LRRC37A2: variants seen among roughly 807,000 people sequenced by gnomAD.
LRRC37A2 encodes leucine-rich repeat-containing protein 37A2.
A neutral mutation model predicts 68.8 loss-of-function variants in LRRC37A2; 9 were observed. The ratio of observed to expected loss-of-function variants is 0.13; its 90% CI spans 0.08 to 0.23. The LOEUF is 0.23. Ranked by LOEUF, LRRC37A2 falls within the 10% of genes least tolerant of loss-of-function variation. LRRC37A2 has a pLI of 1.00. For missense variants in LRRC37A2, 168 were observed against 950.4 expected, an observed-to-expected ratio of 0.18 and a Z score of 10.82; for synonymous variants, 63 against 367.6, an observed-to-expected ratio of 0.17 and a Z score of 9.48.
the LRRC37A2 span, chr17:47,021,575 T>C: frequency 2.0e-6 from 1 of 499,384 alleles, no homozygotes; most frequent in African/African-American, 3.4e-5. Flanking sequence ...TTAGATAAAA[T>C]ACTTACATTC....
the LRRC37A2 span, among the ~76,000 whole-genome samples, chr17:46,662,530 CTTATG>C: frequency 2.5e-5 from 2 of 80,826 alleles, no homozygotes; most frequent in African/African-American, 9.4e-5. Context: ...TTTAGTCTTC[CTTATG>C]TTAAGGTAAG....
At chr17:46,726,420 T>C in the LRRC37A2 span, 1 of 833,470 alleles carries the variant, frequency 1.2e-6, no homozygotes, top group East Asian at 2.5e-5. Flanking sequence ...AATTCTAATT[T>C]ATTGTAGTCC....
chr17:46,992,853 CAAAAAAA>C, the LRRC37A2 span, among the ~76,000 whole-genome samples: 3 of 65,166 alleles, frequency 4.6e-5, no homozygotes, highest in Non-Finnish European at 7.7e-5. Context: ...AACTCCATCT[CAAAAAAA>C]AAAAAAAAAA....
the LRRC37A2 span, among the ~76,000 whole-genome samples, chr17:46,961,395 C>T: frequency 3.9e-5 from 6 of 152,148 alleles, no homozygotes; most frequent in African/African-American, 1.4e-4. Flanking sequence ...ATAACTGGAA[C>T]ATGGTGGTGT....
chr17:46,610,029 C>CTTTCTTTCTT, the LRRC37A2 span, among the ~76,000 whole-genome samples: 5 of 88,930 alleles, frequency 5.6e-5, no homozygotes, highest in African/African-American at 1.9e-4. Context: ...TTCTTTCTTT[C>CTTTCTTTCTT]TCTCTCTCTC....
the LRRC37A2 span, chr17:46,941,141 CT>C: frequency 9.8e-7 from 1 of 1,015,526 alleles, no homozygotes; most frequent in Non-Finnish European, 1.2e-6. Context: ...CTTGAGATCT[CT>C]TTATTACATG....
the LRRC37A2 span, among the ~76,000 whole-genome samples, chr17:46,880,899 C>T: frequency 2.0e-5 from 3 of 152,208 alleles, no homozygotes; most frequent in Non-Finnish European, 4.4e-5. Context: ...AGCCCTCATG[C>T]TATGGCAAGC....
chr17:46,392,477 T>TC, the LRRC37A2 span, among the ~76,000 whole-genome samples: 120 of 60,558 alleles, frequency 2.0e-3, 3 homozygotes, highest in African/African-American at 6.3e-3. Context: ...TTCTTTCCTT[T>TC]CTTTCTTTCC....
At chr17:47,008,326 T>C in the LRRC37A2 span, among the ~76,000 whole-genome samples, 1 of 152,070 alleles carries the variant, frequency 6.6e-6, no homozygotes, top group Non-Finnish European at 1.5e-5. Flanking sequence ...TTAGCCAGGA[T>C]GGTCTTGATC....
At chr17:46,946,921 G>A in the LRRC37A2 span, among the ~76,000 whole-genome samples, 1 of 152,222 alleles carries the variant, frequency 6.6e-6, no homozygotes, top group Non-Finnish European at 1.5e-5. Flanking sequence ...TGCCAAGCAA[G>A]TGGGGTAGAT....
chr17:47,027,685 A>T, the LRRC37A2 span: 2 of 816,938 alleles, frequency 2.4e-6, no homozygotes, highest in Non-Finnish European at 4.1e-6. Context: ...TTAATTATAA[A>T]CCTCTTTGCT....
intron 6 of LRRC37A2, among the ~76,000 whole-genome samples, chr17:46,537,138 A>T: frequency 1.6e-5 from 1 of 62,560 alleles, no homozygotes. Flanking sequence ...TGCTTTTATG[A>T]AGGGATGAAT....
At chr17:46,982,931 G>A in the LRRC37A2 span, among the ~76,000 whole-genome samples, 3 of 152,224 alleles carry the variant, frequency 2.0e-5, no homozygotes, top group Non-Finnish European at 4.4e-5. Flanking sequence ...CGTCCTGTTG[G>A]TGGTGCAGGA....
At chr17:46,997,047 A>G in the LRRC37A2 span, among the ~76,000 whole-genome samples, 1 of 152,196 alleles carries the variant, frequency 6.6e-6, no homozygotes, top group Non-Finnish European at 1.5e-5. Context: ...AGGATGATAG[A>G]ATTAGAATAT....
At chr17:46,896,458 A>AAAAGAAAGAAAGAG in the LRRC37A2 span, among the ~76,000 whole-genome samples, 1 of 141,294 alleles carries the variant, frequency 7.1e-6, no homozygotes, top group African/African-American at 2.8e-5. Flanking sequence ...AAGAAAAAGA[A>AAAAGAAAGAAAGAG]AGAAAGAAAG....
the LRRC37A2 span, among the ~76,000 whole-genome samples, chr17:46,498,799 T>G: frequency 6.7e-6 from 1 of 149,474 alleles, no homozygotes; most frequent in East Asian, 2.0e-4. Context: ...CGGTTGTTTC[T>G]CCTCTTAAGC....
the LRRC37A2 span, among the ~76,000 whole-genome samples, chr17:46,955,124 T>C: frequency 6.6e-6 from 1 of 151,650 alleles, no homozygotes; most frequent in Non-Finnish European, 1.5e-5. Context: ...CCAGTTTTTG[T>C]CCATTCAGTA....
the LRRC37A2 span, among the ~76,000 whole-genome samples, chr17:46,384,866 G>A: frequency 5.0e-5 from 1 of 20,060 alleles, no homozygotes; most frequent in African/African-American, 2.1e-4. Context: ...AAGTGCTGAT[G>A]GATTTGCACT....
chr17:46,854,863 T>C, the LRRC37A2 span, among the ~76,000 whole-genome samples: 1 of 152,256 alleles, frequency 6.6e-6, no homozygotes, highest in South Asian at 2.1e-4. Context: ...TTTCACCATG[T>C]TGGGCAGGCT....
Sources: allele counts gnomAD v4.1 joint callset (sites outside exome capture counted in the v4.1 genomes callset), GRCh38; gene constraint gnomAD v4.1.1; transcripts MANE v1.5; gene names NCBI Gene and HGNC (gene_info 2026-07-23, HGNC 2026-07-21).